Variants in MMP26 observed in about 807,000 individuals in gnomAD.
MMP26 encodes matrix metallopeptidase 26, also known as matrix metalloproteinase-26.
In MMP26, 33 loss-of-function variants were observed where a neutral mutation model predicts 31.0. The observed-to-expected ratio is 1.06, with a 90% CI of 0.81 to 1.42. The LOEUF is 1.42. MMP26 is among the 40% of genes most tolerant of loss of function. The pLI, the probability that MMP26 is intolerant of heterozygous loss-of-function variation, is 0.00. For synonymous variants in MMP26, 122 were observed against 114.9 expected (o/e 1.06, Z -0.40); for missense variants, 347 against 316.1 (o/e 1.10, Z -0.74).
chr11:4,938,959 A>G lies in MMP26; in HGVS notation c.-144-49109A>G, dbSNP rs558965573. 1.5e-4 allele frequency among the ~76,000 whole-genome samples: 23 copies of G among 152,280 alleles called. No homozygotes were observed. In the South Asian group the frequency reaches 2.7e-3, roughly 18 times the overall value. On this transcript the variant is annotated intron_variant, in intron 2 of 7. Transcript: ENST00000380390. The stretch of plus-strand genomic sequence containing the variant: ...AAATACATCCTAATTTCTCCCCAGT[A>G]TTAGCATATTAACTAATACCTAAAG...
chr11:4,951,032 T>C (rs4501977), intron 2 of MMP26, among the ~76,000 whole-genome samples: 89,559 of 121,782 alleles, frequency 0.74, 38,938 homozygotes, highest in Middle Eastern at 0.88. Context: ...TCTAAAAAAG[T>C]TAGTTCCTGT....
chr11:4,857,307 A>G (rs897028850), intron 2 of MMP26, among the ~76,000 whole-genome samples: 7 of 152,176 alleles, frequency 4.6e-5, no homozygotes, highest in Non-Finnish European at 8.8e-5. Context: ...TAAAAAGATT[A>G]ACAAAATTGA....
chr11:4,891,944 A>G lies in MMP26; in HGVS notation c.-144-96124A>G, dbSNP rs545239588. Among the ~76,000 whole-genome samples the G allele has an allele frequency of 8.9e-4, 135 of 152,096 alleles. 1 individual carries two copies. The highest frequency in any genetic ancestry group is 1.2e-3 in the Non-Finnish European group (84 of 68,010). The stretch of plus-strand genomic sequence containing the variant: ...TTCCACAAATCCAGGGCTTTTTCAT[A>G]GGCAACTTAATCAACTATATGTATT... On this transcript the variant is annotated intron_variant, in intron 2 of 7. Transcript: ENST00000380390.
In MMP26 at chr11:4,866,246, C is replaced by G. The variant is rs182932502; in HGVS notation, c.-145+98905C>G. 2.8e-3 allele frequency among the ~76,000 whole-genome samples: 433 copies of G among 152,238 alleles called. 1 individual carries two copies. Among genetic ancestry groups the G allele is most frequent in the African/African-American group, 9.0e-3 (374 of 41,552 alleles). ...TGATCTGAAATGATCAGTGGCAACA[C>G]TTAGTGCAAGAGATTTATTTTGAGA... On this transcript the variant is annotated intron_variant, in intron 2 of 7. Coordinates refer to ENST00000380390, the MANE Select transcript of MMP26 (RefSeq NM_021801.5).
At chr11:4,833,612 C>T (rs1429688770) in intron 2 of MMP26, among the ~76,000 whole-genome samples, 2 of 152,198 alleles carry the variant, frequency 1.3e-5, no homozygotes, top group Non-Finnish European at 2.9e-5. Flanking sequence ...GCTGCAGAAT[C>T]TCATGTCCTG....
intron 2 of MMP26, among the ~76,000 whole-genome samples, chr11:4,771,834 T>C (rs1044816511): frequency 6.6e-6 from 1 of 152,208 alleles, no homozygotes; most frequent in Non-Finnish European, 1.5e-5. Flanking sequence ...AGGTTGTATA[T>C]CTACATGTTA....
At chr11:4,990,095 A>G (rs1169745013) in intron 4 of MMP26, among the ~76,000 whole-genome samples, 4 of 152,146 alleles carry the variant, frequency 2.6e-5, no homozygotes, top group African/African-American at 7.2e-5. Context: ...TCCCTTTGTT[A>G]AATCTTTTCT....
At chr11:4,843,087 C>A (rs1176663110) in intron 2 of MMP26, among the ~76,000 whole-genome samples, 6 of 152,238 alleles carry the variant, frequency 3.9e-5, no homozygotes, top group Non-Finnish European at 7.3e-5. Flanking sequence ...AGCACCTGTG[C>A]CCCTGTGGCT....
intron 2 of MMP26, among the ~76,000 whole-genome samples, chr11:4,820,949 T>G (rs1008170329): frequency 5.3e-5 from 8 of 152,156 alleles, no homozygotes; most frequent in Non-Finnish European, 1.2e-4. Context: ...GTCCCAGGGA[T>G]TTTTTGGCAT....
chr11:4,918,505 A>G (rs1233406686), intron 2 of MMP26, among the ~76,000 whole-genome samples: 2 of 152,140 alleles, frequency 1.3e-5, no homozygotes, highest in Admixed American at 1.3e-4. Flanking sequence ...ATTCAGAATA[A>G]TGATGCCAGG....
chr11:4,782,057 G>T (rs536580237), intron 2 of MMP26, among the ~76,000 whole-genome samples: 23 of 152,242 alleles, frequency 1.5e-4, no homozygotes, highest in African/African-American at 5.5e-4. Context: ...CATGACAATA[G>T]ACTAATGCAG....
chr11:4,727,307 A>G (rs914526775), intron 1 of MMP26, among the ~76,000 whole-genome samples: 6 of 152,312 alleles, frequency 3.9e-5, no homozygotes, highest in Admixed American at 3.3e-4. Context: ...TTTCAATCAG[A>G]TGATTTAGAA....
intron 2 of MMP26, among the ~76,000 whole-genome samples, chr11:4,963,803 C>G (rs528780580): frequency 6.6e-6 from 1 of 152,108 alleles, no homozygotes; most frequent in Non-Finnish European, 1.5e-5. Context: ...TTAATTATAG[C>G]AATTCTGACT....
At chr11:4,792,178 G>T (rs1849036167) in intron 2 of MMP26, among the ~76,000 whole-genome samples, 1 of 145,714 alleles carries the variant, frequency 6.9e-6, no homozygotes, top group South Asian at 2.1e-4. Context: ...AAGTACAAGT[G>T]TTTGACTCAA....
chr11:4,986,025 G>A (rs1846880685), intron 2 of MMP26, among the ~76,000 whole-genome samples: 1 of 152,158 alleles, frequency 6.6e-6, no homozygotes, highest in Non-Finnish European at 1.5e-5. Context: ...TCTGTTGCCT[G>A]CTGCTGTTGA....
chr11:4,950,101 C>T (rs1223099763), intron 2 of MMP26, among the ~76,000 whole-genome samples: 1 of 122,936 alleles, frequency 8.1e-6, no homozygotes. Context: ...AATTTAAATG[C>T]AAGTAGAAAG....
At chr11:4,837,814 G>C (rs1849739254) in intron 2 of MMP26, among the ~76,000 whole-genome samples, 1 of 152,050 alleles carries the variant, frequency 6.6e-6, no homozygotes, top group African/African-American at 2.4e-5. Context: ...TGCTGTGAAA[G>C]AGAGACAGTT....
At chr11:4,923,670 G>T in intron 2 of MMP26, 1 of 1,614,028 alleles carries the variant, frequency 6.2e-7, no homozygotes, top group Non-Finnish European at 8.5e-7. Flanking sequence ...ACGGTGCGAA[G>T]GATGAGGGCG....
Position 4,992,295 on chromosome 11 carries a change from A to T in MMP26, c.*53A>T, listed in dbSNP as rs1457111587. 3.9e-6 allele frequency: 6 copies of T among 1,557,312 alleles called. No individual in the cohort carries two copies. Among genetic ancestry groups the T allele is most frequent in the Non-Finnish European group, 5.3e-6 (6 of 1,140,964 alleles). ...GTCCTTTCAGGGAGTTTATTGGAGG[A>T]TCAAAGAACTGAAAGCACTAGAGCA... On this transcript the variant is annotated 3_prime_UTR_variant, in exon 8 of 8. Coordinates refer to ENST00000380390, the MANE Select transcript of MMP26 (RefSeq NM_021801.5).
Sources: gnomAD v4.1 joint callset for allele counts (sites outside exome capture counted in the v4.1 genomes callset) on GRCh38, gnomAD v4.1.1 for gene constraint, MANE v1.5 for transcripts, NCBI Gene and HGNC (gene_info 2026-07-23, HGNC 2026-07-21) for gene names.